Variants in PIWIL4 observed in about 807,000 individuals in gnomAD.
PIWIL4 encodes piwi-like protein 4.
PIWIL4 carries 50 observed loss-of-function variants against 100.9 expected under a neutral mutation model. That is an observed-to-expected ratio of 0.50 (90% CI 0.39 to 0.63). The LOEUF (loss-of-function observed/expected upper bound fraction) is 0.63, where lower values mean the gene tolerates loss of function less well. PIWIL4 is among the 20% of genes least tolerant of loss of function. The pLI, the probability that PIWIL4 is intolerant of heterozygous loss-of-function variation, is 0.00. For synonymous variants in PIWIL4, 342 were observed against 367.5 expected, an observed-to-expected ratio of 0.93 and a Z score of 0.79; for missense variants, 887 against 1,043.3, an observed-to-expected ratio of 0.85 and a Z score of 2.06.
At chr11:94,619,653 T>G in intron 17 of PIWIL4, 107 bp from the exon 18 acceptor site, 1 of 1,284,104 alleles carries the variant, frequency 7.8e-7, no homozygotes, top group Non-Finnish European at 1.1e-6. Context: ...TTTTGCAGTG[T>G]TTTTCAAATG....
At chr11:94,610,821 T>A (rs1032173683) in intron 15 of PIWIL4, among the ~76,000 whole-genome samples, 5 of 152,178 alleles carry the variant, frequency 3.3e-5, no homozygotes, top group African/African-American at 1.2e-4. Context: ...TATTATATTG[T>A]TGTATTTTTG....
chr11:94,599,791 A>T (rs916743297), intron 11 of PIWIL4, among the ~76,000 whole-genome samples: 4 of 152,216 alleles, frequency 2.6e-5, no homozygotes, highest in African/African-American at 9.7e-5. Context: ...GTGGTTTCAT[A>T]ACCTCTCAGT....
intron 4 of PIWIL4, among the ~76,000 whole-genome samples, chr11:94,580,004 G>A (rs749797325): frequency 2.0e-5 from 3 of 152,094 alleles, no homozygotes; most frequent in Non-Finnish European, 2.9e-5. Flanking sequence ...GACCGTATAC[G>A]CTACAAATGC....
At chr11:94,583,912 A>C (rs1277604198) in intron 5 of PIWIL4, among the ~76,000 whole-genome samples, 1 of 152,184 alleles carries the variant, frequency 6.6e-6, no homozygotes, top group Non-Finnish European at 1.5e-5. Context: ...AACTTAGTTA[A>C]GTTTGGCTTA....
At chr11:94,585,231 AT>A (rs1338880195) in intron 5 of PIWIL4, among the ~76,000 whole-genome samples, 1 of 152,236 alleles carries the variant, frequency 6.6e-6, no homozygotes, top group Non-Finnish European at 1.5e-5. Flanking sequence ...ACAGATAAAA[AT>A]AATTTCAGTT....
intron 11 of PIWIL4, among the ~76,000 whole-genome samples, chr11:94,599,439 A>AAAG (rs1948605390): frequency 6.6e-6 from 1 of 152,168 alleles, no homozygotes; most frequent in African/African-American, 2.4e-5. Flanking sequence ...GAATGAACTA[A>AAAG]AAGTTCATAG....
intron 12 of PIWIL4, 56 bp downstream of exon 12, chr11:94,602,035 G>A (rs1281142037): frequency 6.7e-7 from 1 of 1,485,708 alleles, no homozygotes; most frequent in Non-Finnish European, 9.1e-7. Flanking sequence ...AGAAGGTAGG[G>A]AATAATGGCA....
intron 4 of PIWIL4, 111 bp from the exon 5 acceptor site, chr11:94,583,337 C>T: frequency 8.4e-7 from 1 of 1,185,956 alleles, no homozygotes; most frequent in Non-Finnish European, 1.2e-6. Flanking sequence ...ATACTAACAC[C>T]TGCAGTTTTG....
At position 94,593,713 on chromosome 11, in the gene PIWIL4, C is replaced by G. The variant is rs1041623208; in HGVS notation, c.1150+72C>G. On this transcript the variant is annotated intron_variant, in intron 9 of 19. Transcript: ENST00000299001. ...CCTGATGCTTGGCAGTGGGCAGACCCTCTTTAAGTTACATGAATGCCAGGA... is the reference window on the plus strand; with the variant it reads ...CCTGATGCTTGGCAGTGGGCAGACCGTCTTTAAGTTACATGAATGCCAGGA... The G allele has an allele frequency of 4.6e-6, 7 of 1,511,420 alleles. No individual in the cohort carries two copies. The Admixed American group carries it at 1.4e-4, about 30-fold the overall frequency. The allele number at this position is 1,511,420 out of a possible 1,614,324, so 93.6% of individuals were successfully genotyped here.
chr11:94,574,629 T>C (rs769984714), intron 2 of PIWIL4, among the ~76,000 whole-genome samples: 6 of 152,044 alleles, frequency 3.9e-5, no homozygotes, highest in Non-Finnish European at 8.8e-5. Flanking sequence ...CCCAGGCACA[T>C]GTCACCACGC....
chr11:94,573,492 G>GCA lies in PIWIL4; in HGVS notation c.167-1506_167-1505dup, dbSNP rs1948189189. ...ATACCTAATTTATTGAGAGTTTTTA[G>GCA]CATGAAGGGCTGTTGAATTCTGTTG... On this transcript the variant is annotated intron_variant, in intron 2 of 19. Coordinates refer to ENST00000299001, the MANE Select transcript of PIWIL4 (RefSeq NM_152431.3). Among the ~76,000 whole-genome samples, 3 of 152,138 alleles carry GCA rather than the reference G, an allele frequency of 2.0e-5. No homozygotes were observed. In the South Asian group the frequency reaches 6.2e-4, roughly 31 times the overall value.
intron 2 of PIWIL4, among the ~76,000 whole-genome samples, chr11:94,569,752 G>C (rs1948123277): frequency 6.6e-6 from 1 of 150,964 alleles, no homozygotes; most frequent in African/African-American, 2.4e-5. Flanking sequence ...ATAAGTGGAA[G>C]CTAAATAATG....
chr11:94,619,265 G>A (rs1437787487), intron 17 of PIWIL4, among the ~76,000 whole-genome samples: 1 of 152,132 alleles, frequency 6.6e-6, no homozygotes, highest in Non-Finnish European at 1.5e-5. Flanking sequence ...CATTTGGCCA[G>A]AACATATATT....
chr11:94,568,501 C>T (rs1404903092), intron 1 of PIWIL4, among the ~76,000 whole-genome samples: 2 of 152,096 alleles, frequency 1.3e-5, no homozygotes, highest in Non-Finnish European at 2.9e-5. Flanking sequence ...CTATATCTGG[C>T]GACAGTTGGT....
chr11:94,606,462 G>T (rs1490935501), intron 13 of PIWIL4, among the ~76,000 whole-genome samples: 3 of 152,068 alleles, frequency 2.0e-5, no homozygotes, highest in African/African-American at 7.2e-5. Context: ...ACAATTTGGG[G>T]GCTTTTGAAA....
rs767287941 is a variant in PIWIL4, at chr11:94,620,863, T to C, written c.2443-13T>C. ...TAATCTCTTAATTATTATCAATACT[T>C]TTTTCTCCTCAGGGCATAGTCAGTG... On this transcript the variant is annotated splice_polypyrimidine_tract_variant and intron_variant, in intron 19 of 19. Coordinates refer to ENST00000299001, the MANE Select transcript of PIWIL4 (RefSeq NM_152431.3). The C allele has an allele frequency of 1.9e-6, 3 of 1,593,384 alleles. No homozygotes were observed. The highest frequency in any genetic ancestry group is 2.2e-5 in the South Asian group (2 of 90,080).
chr11:94,619,827 A>G lies in PIWIL4; in HGVS notation c.2236A>G (p.Thr746Ala). ...MPRFFTEMNR[T>A]VQNPPLGTVV... ...ACGATTCTTTACCGAAATGAACCGC[A>G]CTGTACAGAACCCCCCACTTGGCAC... is the stretch of plus-strand genomic sequence containing the variant. Residue 746 changes from threonine (T) to alanine (A), a missense_variant, in exon 18 of 20, where the codon ACT becomes GCT. Around this residue, in one of 2 missense-constraint regions of PIWIL4, gnomAD observed 741 missense variants for 930.0 expected, o/e 0.80. Coordinates refer to ENST00000299001, the MANE Select transcript of PIWIL4 (RefSeq NM_152431.3). 6.2e-7 allele frequency: 1 copy of G among 1,614,180 alleles called. No homozygotes were observed.
chr11:94,610,086 T>G (rs912424786), intron 15 of PIWIL4, among the ~76,000 whole-genome samples: 1 of 152,220 alleles, frequency 6.6e-6, no homozygotes, highest in African/African-American at 2.4e-5. Context: ...TTCTATGAGT[T>G]TGACATTCTT....
chr11:94,574,684 G>T (rs199651877), intron 2 of PIWIL4, among the ~76,000 whole-genome samples: 1 of 152,046 alleles, frequency 6.6e-6, no homozygotes, highest in East Asian at 1.9e-4. Context: ...GTTTCAACAC[G>T]TTGCCCAGGC....
Sources: gnomAD v4.1 joint callset for allele counts (sites outside exome capture counted in the v4.1 genomes callset) on GRCh38, gnomAD v4.1.1 for gene constraint, gnomAD v4.1.1 regional missense constraint, MANE v1.5 for transcripts, NCBI Gene and HGNC (gene_info 2026-07-23, HGNC 2026-07-21) for gene names.